BID: variants seen among roughly 807,000 people sequenced by gnomAD.
The protein encoded by BID is BH3-interacting domain death agonist.
Under a neutral mutation model 17.4 loss-of-function variants are expected in BID, and 19 were observed. The observed-to-expected ratio is 1.09, with a 90% CI of 0.76 to 1.60. The LOEUF is 1.60. Among genes scored for constraint, BID ranks in the 40% most tolerant of loss-of-function variants. BID has a pLI of 0.00. For synonymous variants in BID, 108 were observed against 102.8 expected (o/e 1.05, Z -0.31); for missense variants, 226 against 256.0 (o/e 0.88, Z 0.80).
At chr22:17,761,580 C>T (rs1003737901) in intron 1 of BID, among the ~76,000 whole-genome samples, 4 of 151,952 alleles carry the variant, frequency 2.6e-5, no homozygotes, top group African/African-American at 7.3e-5. Context: ...TACAGGCGCC[C>T]GCCACCACGC....
At position 17,773,487 on chromosome 22, in the gene BID, G is replaced by T. The variant is rs908142616; in HGVS notation, c.-59+894C>A. 5 of 976,122 alleles carry T rather than the reference G, an allele frequency of 5.1e-6. No homozygotes were observed. Among genetic ancestry groups the T allele is most frequent in the Non-Finnish European group, 7.9e-6 (5 of 633,282 alleles). The allele number at this position is 976,122 out of a possible 1,614,324, so 60.5% of individuals were successfully genotyped here. A position where few individuals can be genotyped will look rare whatever the true frequency, so the allele number is the denominator to read the frequency against. The stretch of plus-strand genomic sequence containing the variant: ...AGGGTGTGGATAAGGCTCCAGGAAG[G>T]GGGTGCAAGCCTGAGAAGGTGGAAG... On this transcript the variant is annotated intron_variant, in intron 1 of 5. Transcript: ENST00000622694. This position sits in a 1 kb window ranked among gnomAD's most constrained non-coding sequence, Gnocchi z 4.4.
In BID at chr22:17,763,429, A is replaced by G. The variant is rs190682194; in HGVS notation, c.-59+10952T>C. Among the ~76,000 whole-genome samples, 934 of 152,192 alleles carry G rather than the reference A, an allele frequency of 6.1e-3. 9 individuals are homozygous for G. The highest frequency in any genetic ancestry group is 0.021 in the African/African-American group (889 of 41,504). On this transcript the variant is annotated intron_variant, in intron 1 of 5. Coordinates refer to ENST00000622694, the MANE Select transcript of BID (RefSeq NM_001196.4). The stretch of plus-strand genomic sequence containing the variant: ...TGGCTAATTTTTGTATTTTTAGTAG[A>G]GACCGGGTTCCTCCGTGCTGGTCAA...
At chr22:17,764,032 T>G (rs2061661245) in intron 1 of BID, 1 of 152,828 alleles carries the variant, frequency 6.5e-6, no homozygotes, top group Non-Finnish European at 1.5e-5. Flanking sequence ...GAAATCTGGC[T>G]ACAGAGTGAT....
At chr22:17,771,768 G>T (rs980733836) in intron 1 of BID, among the ~76,000 whole-genome samples, 8 of 152,202 alleles carry the variant, frequency 5.3e-5, no homozygotes, top group African/African-American at 1.9e-4. Context: ...TGTTGGGGCT[G>T]GATGGGGCTG....
intron 2 of BID, among the ~76,000 whole-genome samples, chr22:17,749,819 G>A (rs1483155427): frequency 6.6e-6 from 1 of 152,212 alleles, no homozygotes; most frequent in Non-Finnish European, 1.5e-5. Flanking sequence ...CTGTTAAATG[G>A]TCTTAAACCC....
chr22:17,752,746 T>C (rs1035017124), intron 1 of BID, among the ~76,000 whole-genome samples: 2 of 150,480 alleles, frequency 1.3e-5, no homozygotes, highest in African/African-American at 4.9e-5. Context: ...GCTCACTGCA[T>C]GCTCCACTTC....
chr22:17,736,191 T>C (rs2061418067), intron 5 of BID, among the ~76,000 whole-genome samples: 1 of 152,212 alleles, frequency 6.6e-6, no homozygotes, highest in African/African-American at 2.4e-5. Flanking sequence ...CCGGGCGCAG[T>C]GGCTCACGCC....
intron 1 of BID, among the ~76,000 whole-genome samples, chr22:17,757,142 C>T (rs181220409): frequency 1.6e-4 from 25 of 152,148 alleles, no homozygotes; most frequent in Non-Finnish European, 2.5e-4. Context: ...CGGCCGGGCA[C>T]GCTGGCTCAT....
chr22:17,767,594 T>C (rs78172981), intron 1 of BID, among the ~76,000 whole-genome samples: 4,554 of 152,232 alleles, frequency 0.03, 229 homozygotes, highest in African/African-American at 0.1. Flanking sequence ...ATCCAGATTC[T>C]CCGTATCTGA....
intron 1 of BID, among the ~76,000 whole-genome samples, chr22:17,754,472 T>C (rs950760327): frequency 5.9e-5 from 9 of 152,250 alleles, no homozygotes; most frequent in African/African-American, 2.2e-4. Context: ...CGCCAGGCCC[T>C]CACGAGTATG....
intron 1 of BID, among the ~76,000 whole-genome samples, chr22:17,760,648 G>T (rs1323139703): frequency 6.6e-6 from 1 of 151,940 alleles, no homozygotes; most frequent in Non-Finnish European, 1.5e-5. Context: ...CACTCTGCAG[G>T]ACTCGGAGCC....
intron 1 of BID, among the ~76,000 whole-genome samples, chr22:17,760,999 C>G (rs1035383533): frequency 6.6e-6 from 1 of 152,194 alleles, no homozygotes; most frequent in Non-Finnish European, 1.5e-5. Flanking sequence ...CCATGAATAA[C>G]ATTTACACAT....
In BID at chr22:17,766,690, C is replaced by T. The variant is rs536885112; in HGVS notation, c.-59+7691G>A. On this transcript the variant is annotated intron_variant, in intron 1 of 5. Transcript: ENST00000622694. ...CTGCAACCTCCGCAGCCTGGGTTCA[C>T]GCCATTCTCCTGCCTCAGCCTCCCA... Among the ~76,000 whole-genome samples, 17 of 150,634 alleles carry T rather than the reference C, an allele frequency of 1.1e-4. 1 individual carries two copies. Among genetic ancestry groups the T allele is most frequent in the East Asian group, 2.0e-4 (1 of 4,964 alleles).
rs2145874193 is a variant in BID, at chr22:17,739,422, A to G, written c.290T>C (p.Met97Thr). 1.2e-6 allele frequency: 2 copies of G among 1,612,294 alleles called. No individual in the cohort carries two copies. The highest frequency in any genetic ancestry group is 1.7e-4 in the Middle Eastern group (1 of 6,058). The change falls in exon 4 of 6, where the codon ATG (methionine) becomes ACG (threonine). Residue 97 changes from methionine to threonine, a missense_variant. Met to Thr is a moderately conservative substitution (Grantham distance 81, BLOSUM62 -1). Transcript: ENST00000622694. Reference sequence around the variant, plus strand: ...CAGGCCCGGAGGGATGCTACGGTCCATGCTGTCCCCGACCTGGGCGAGGTG... The same window carrying G: ...CAGGCCCGGAGGGATGCTACGGTCCGTGCTGTCCCCGACCTGGGCGAGGTG... ...ARHLAQVGDSMDRSIPPGLVN... is the reference protein window; with the variant it reads ...ARHLAQVGDSTDRSIPPGLVN...
intron 2 of BID, among the ~76,000 whole-genome samples, chr22:17,744,697 T>C (rs2061483985): frequency 6.6e-6 from 1 of 152,168 alleles, no homozygotes; most frequent in African/African-American, 2.4e-5. Context: ...TGGGCAGCAC[T>C]GGCAGCTGCA....
At chr22:17,762,370 A>G (rs984391979) in intron 1 of BID, among the ~76,000 whole-genome samples, 1 of 151,982 alleles carries the variant, frequency 6.6e-6, no homozygotes, top group African/African-American at 2.4e-5. Flanking sequence ...GATGGCGTGC[A>G]CCTGTAACCC....
At chr22:17,742,477 AC>A (rs869083367) in intron 3 of BID, among the ~76,000 whole-genome samples, 77 of 57,038 alleles carry the variant, frequency 1.3e-3, no homozygotes, top group South Asian at 3.3e-3. Context: ...ACCTCCCCCC[AC>A]CCCCCACCCC....
At chr22:17,754,806 C>A (rs1350137308) in intron 1 of BID, among the ~76,000 whole-genome samples, 2 of 152,096 alleles carry the variant, frequency 1.3e-5, no homozygotes, top group Non-Finnish European at 2.9e-5. Context: ...CCTGTGTAAC[C>A]CAGGCTGGAG....
intron 2 of BID, among the ~76,000 whole-genome samples, chr22:17,747,624 A>ATAAAAGAATT (rs1461951283): frequency 4.6e-5 from 7 of 152,082 alleles, no homozygotes; most frequent in African/African-American, 9.7e-5. Context: ...CCCAGCCTCT[A>ATAAAAGAATT]GATCCACTTT....
Sources: allele counts gnomAD v4.1 joint callset (sites outside exome capture counted in the v4.1 genomes callset), GRCh38; gene constraint gnomAD v4.1.1; non-coding constraint Gnocchi (gnomAD v3.1); transcripts MANE v1.5; gene names NCBI Gene and HGNC (gene_info 2026-07-23, HGNC 2026-07-21).